The following LRP12 variants were observed in gnomAD, a reference collection of about 807,000 sequenced individuals.
LRP12 encodes the protein low-density lipoprotein receptor-related protein 12.
LRP12 carries 14 observed loss-of-function variants against 66.0 expected under a neutral mutation model. The ratio of observed to expected loss-of-function variants is 0.21; its 90% confidence interval spans 0.14 to 0.33. The LOEUF is 0.33. LRP12 is among the 10% of genes least tolerant of loss of function. LRP12 has a pLI of 1.00. For missense variants in LRP12, 889 were observed against 1,053.4 expected, an observed-to-expected ratio of 0.84 and a Z score of 2.16; for synonymous variants, 357 against 359.1, an observed-to-expected ratio of 0.99 and a Z score of 0.07.
intron 1 of LRP12, among the ~76,000 whole-genome samples, chr8:104,557,432 T>A (rs1811827555): frequency 6.6e-6 from 1 of 151,534 alleles, no homozygotes; most frequent in South Asian, 2.1e-4. Context: ...TCAGGAAAGT[T>A]TCAGGATACA....
intron 1 of LRP12, among the ~76,000 whole-genome samples, chr8:104,575,423 G>C (rs889644037): frequency 1.3e-5 from 2 of 152,192 alleles, no homozygotes; most frequent in Non-Finnish European, 1.5e-5. Context: ...CCAGCGCAGT[G>C]GATTTCGAAG....
chr8:104,514,391 T>A (rs1051134612), intron 2 of LRP12, among the ~76,000 whole-genome samples: 39 of 151,958 alleles, frequency 2.6e-4, no homozygotes, highest in Admixed American at 9.2e-4. Context: ...GGCTTATTAT[T>A]ATAATATTGA....
chr8:104,567,366 C>T (rs2140891760), intron 1 of LRP12, among the ~76,000 whole-genome samples: 1 of 152,188 alleles, frequency 6.6e-6, no homozygotes, highest in Non-Finnish European at 1.5e-5. Context: ...CTCATAAACA[C>T]ATCAGATCTC....
chr8:104,569,876 A>G (rs572914551), intron 1 of LRP12, among the ~76,000 whole-genome samples: 1 of 152,182 alleles, frequency 6.6e-6, no homozygotes, highest in Non-Finnish European at 1.5e-5. Flanking sequence ...AATACTGTCC[A>G]TATTCACAGA....
intron 1 of LRP12, among the ~76,000 whole-genome samples, chr8:104,547,014 T>C (rs1034168064): frequency 1.4e-5 from 2 of 144,186 alleles, no homozygotes; most frequent in African/African-American, 2.6e-5. Context: ...ATATATTCTG[T>C]ATATAATATA....
At chr8:104,557,436 G>A (rs1043824658) in intron 1 of LRP12, among the ~76,000 whole-genome samples, 2 of 151,798 alleles carry the variant, frequency 1.3e-5, no homozygotes, top group African/African-American at 4.8e-5. Flanking sequence ...GAAAGTTTCA[G>A]GATACAAATT....
At chr8:104,510,690 G>C (rs1231848577) in intron 2 of LRP12, among the ~76,000 whole-genome samples, 1 of 152,120 alleles carries the variant, frequency 6.6e-6, no homozygotes, top group African/African-American at 2.4e-5. Context: ...AATTAGAAGT[G>C]GGGAGAGTAG....
chr8:104,569,753 A>C (rs940312223), intron 1 of LRP12, among the ~76,000 whole-genome samples: 1 of 152,120 alleles, frequency 6.6e-6, no homozygotes. Context: ...ATGATGGAAA[A>C]CAGGCAAGCA....
At chr8:104,556,276 A>T (rs1449740049) in intron 1 of LRP12, among the ~76,000 whole-genome samples, 1 of 152,160 alleles carries the variant, frequency 6.6e-6, no homozygotes, top group Non-Finnish European at 1.5e-5. Flanking sequence ...AACCCAGCAG[A>T]AGAAAAGAAA....
chr8:104,543,679 T>C (rs551547925), intron 1 of LRP12, among the ~76,000 whole-genome samples: 2 of 152,312 alleles, frequency 1.3e-5, no homozygotes, highest in South Asian at 2.1e-4. Context: ...TCCAGCACTT[T>C]GGGAGGCCAA....
intron 1 of LRP12, 65 bp from the exon 2 acceptor site, chr8:104,532,028 C>T (rs1024234443): frequency 9.9e-7 from 1 of 1,006,666 alleles, no homozygotes; most frequent in South Asian, 1.5e-5. Context: ...TTCAGATCCT[C>T]CCTTTAAAAG....
chr8:104,548,604 A>C lies in LRP12; in HGVS notation c.80-16641T>G, dbSNP rs930728328. On this transcript the variant is annotated intron_variant, in intron 1 of 6. Transcript: ENST00000276654. ...TATATTTTGTATATAATATAGAATTATATAATTAAATTAATTATATAATTA... is the reference window on the plus strand; with the variant it reads ...TATATTTTGTATATAATATAGAATTCTATAATTAAATTAATTATATAATTA... Among the ~76,000 whole-genome samples the C allele has an allele frequency of 1.1e-3, 129 of 113,888 alleles. 7 individuals carry two copies. Among genetic ancestry groups the C allele is most frequent in the African/African-American group, 4.8e-3 (119 of 24,938 alleles). The allele number at this position is 113,888 out of a possible 152,430, so 74.7% of individuals were successfully genotyped here.
At chr8:104,548,369 ATATAT>A (rs1422668476) in intron 1 of LRP12, among the ~76,000 whole-genome samples, 7 of 53,544 alleles carry the variant, frequency 1.3e-4, no homozygotes, top group East Asian at 1.0e-3. Flanking sequence ...TATTATATAA[ATATAT>A]TATATAAATA....
At chr8:104,553,862 C>A (rs1054174168) in intron 1 of LRP12, among the ~76,000 whole-genome samples, 1 of 152,172 alleles carries the variant, frequency 6.6e-6, no homozygotes, top group Non-Finnish European at 1.5e-5. Flanking sequence ...CAATCAAGGA[C>A]CCTCACAGAG....
intron 2 of LRP12, among the ~76,000 whole-genome samples, chr8:104,514,830 TTACAG>T (rs895992056): frequency 1.9e-4 from 29 of 152,226 alleles, no homozygotes; most frequent in African/African-American, 6.8e-4. Context: ...ACTGCTTGTA[TTACAG>T]TAAACTGTCA....
intron 1 of LRP12, among the ~76,000 whole-genome samples, chr8:104,545,639 G>A (rs1004245134): frequency 1.2e-4 from 19 of 152,060 alleles, no homozygotes; most frequent in African/African-American, 2.7e-4. Flanking sequence ...TTAGAATTTC[G>A]AAGCAATAAA....
chr8:104,493,719 G>C (rs1810674804), intron 6 of LRP12, among the ~76,000 whole-genome samples: 2 of 152,190 alleles, frequency 1.3e-5, no homozygotes, highest in Non-Finnish European at 2.9e-5. Context: ...ATGTGCTAGT[G>C]CACCAGTACA....
intron 1 of LRP12, among the ~76,000 whole-genome samples, chr8:104,533,211 C>CA (rs148528231): frequency 6.6e-6 from 1 of 151,806 alleles, no homozygotes; most frequent in African/African-American, 2.4e-5. Context: ...GCACTGATGC[C>CA]AAAAAAGGCA....
Position 104,522,098 on chromosome 8 carries a change from G to C in LRP12, c.136+9809C>G, listed in dbSNP as rs148285129. On this transcript the variant is annotated intron_variant, in intron 2 of 6. Transcript: ENST00000276654. Reference sequence around the variant, plus strand: ...CTTTATCAGACTAGATGTTCTTCCAGGAAAATTTCAAAATACCATGTTATA... The same window carrying C: ...CTTTATCAGACTAGATGTTCTTCCACGAAAATTTCAAAATACCATGTTATA... Among the ~76,000 whole-genome samples the C allele has an allele frequency of 8.6e-3, 1,307 of 151,942 alleles. 8 individuals carry two copies. Among genetic ancestry groups the C allele is most frequent in the Middle Eastern group, 0.017 (5 of 292 alleles).
Sources: gnomAD v4.1 joint callset for allele counts (sites outside exome capture counted in the v4.1 genomes callset) on GRCh38, gnomAD v4.1.1 for gene constraint, MANE v1.5 for transcripts, NCBI Gene and HGNC (gene_info 2026-07-23, HGNC 2026-07-21) for gene names.